The following RALGPS2 variants were observed in gnomAD, a reference collection of about 807,000 sequenced individuals.
The protein encoded by RALGPS2 is ras-specific guanine nucleotide-releasing factor RalGPS2.
RALGPS2 carries 43 observed loss-of-function variants against 86.8 expected under a neutral mutation model. The ratio of observed to expected loss-of-function variants is 0.50; its 90% CI spans 0.39 to 0.64. The LOEUF is 0.64. Ranked by LOEUF, RALGPS2 falls within the 30% of genes least tolerant of loss-of-function variation. RALGPS2 has a pLI of 0.00. For synonymous variants in RALGPS2, 243 were observed against 231.3 expected (o/e 1.05, Z -0.46); for missense variants, 536 against 694.6 (o/e 0.77, Z 2.57).
intron 1 of RALGPS2, among the ~76,000 whole-genome samples, chr1:178,742,513 G>A (rs183505175): frequency 6.6e-6 from 1 of 152,246 alleles, no homozygotes; most frequent in East Asian, 1.9e-4. Context: ...ATTTGTGTTG[G>A]ATACTTACTC....
At chr1:178,734,649 A>G (rs992839851) in intron 1 of RALGPS2, among the ~76,000 whole-genome samples, 4 of 152,224 alleles carry the variant, frequency 2.6e-5, no homozygotes, top group African/African-American at 4.8e-5. Context: ...AGAGGGATAT[A>G]CCAAGTATTT....
chr1:178,838,225 C>T (rs1656385528), intron 8 of RALGPS2, among the ~76,000 whole-genome samples: 1 of 152,210 alleles, frequency 6.6e-6, no homozygotes, highest in African/African-American at 2.4e-5. Flanking sequence ...CAGGCTGCCT[C>T]CTCAAGTGGG....
At chr1:178,846,343 C>A (rs1656863517) in intron 8 of RALGPS2, among the ~76,000 whole-genome samples, 1 of 152,032 alleles carries the variant, frequency 6.6e-6, no homozygotes, top group South Asian at 2.1e-4. Flanking sequence ...TTATGGATTA[C>A]CTTACCCTAT....
chr1:178,752,342 T>TGGGGG (rs200774028), intron 1 of RALGPS2, among the ~76,000 whole-genome samples: 12 of 143,420 alleles, frequency 8.4e-5, no homozygotes, highest in African/African-American at 3.5e-4. Flanking sequence ...TAGAGATTGG[T>TGGGGG]GGCGGGGGGG....
At chr1:178,825,610 A>G (rs1172658574) in intron 7 of RALGPS2, among the ~76,000 whole-genome samples, 1 of 152,176 alleles carries the variant, frequency 6.6e-6, no homozygotes, top group Non-Finnish European at 1.5e-5. Flanking sequence ...ATAGGGGGAA[A>G]ATGACTTGTA....
At chr1:178,866,273 T>A (rs549732092) in intron 8 of RALGPS2, among the ~76,000 whole-genome samples, 24 of 152,202 alleles carry the variant, frequency 1.6e-4, no homozygotes, top group Non-Finnish European at 2.5e-4. Flanking sequence ...TAGCCAATGT[T>A]TTAGATTCAT....
intron 1 of RALGPS2, among the ~76,000 whole-genome samples, chr1:178,757,578 T>C (rs1652018268): frequency 6.6e-6 from 1 of 152,252 alleles, no homozygotes; most frequent in Non-Finnish European, 1.5e-5. Flanking sequence ...ATTCTGTTTA[T>C]GTGGTGAATC....
intron 1 of RALGPS2, among the ~76,000 whole-genome samples, chr1:178,772,458 C>T (rs1652855312): frequency 6.6e-6 from 1 of 152,176 alleles, no homozygotes; most frequent in Admixed American, 6.5e-5. Context: ...CTTAGGAGAT[C>T]TCAGCTCTTG....
intron 1 of RALGPS2, chr1:178,746,733 G>A: frequency 1.3e-6 from 1 of 781,372 alleles, no homozygotes; most frequent in Non-Finnish European, 2.4e-6. Context: ...TTCTCATTTA[G>A]CCTCTATTTC....
chr1:178,872,850 G>C (rs1160417623), intron 8 of RALGPS2, among the ~76,000 whole-genome samples: 1 of 152,172 alleles, frequency 6.6e-6, no homozygotes. Flanking sequence ...AATTGAAAAT[G>C]AAAGTCAGGA....
intron 4 of RALGPS2, among the ~76,000 whole-genome samples, chr1:178,795,804 A>G (rs141127675): frequency 2.5e-4 from 38 of 152,322 alleles, no homozygotes; most frequent in Middle Eastern, 6.8e-3. Context: ...CTTCTAGTGT[A>G]TGTCAAGATA....
At chr1:178,816,589 T>A (rs1655242424) in intron 6 of RALGPS2, among the ~76,000 whole-genome samples, 2 of 152,178 alleles carry the variant, frequency 1.3e-5, no homozygotes, top group African/African-American at 4.8e-5. Context: ...AAGTCCCATT[T>A]GTTATTTTTA....
Position 178,859,405 on chromosome 1 carries a change from T to C in RALGPS2, c.608-18093T>C, listed in dbSNP as rs1308752765. Reference sequence around the variant, plus strand: ...ATGACTACTTTCCAAGTTTAACTTTTTTTTTTTTTTTTTTTTTGAGACGGA... The same window carrying C: ...ATGACTACTTTCCAAGTTTAACTTTCTTTTTTTTTTTTTTTTTGAGACGGA... On this transcript the variant is annotated intron_variant, in intron 8 of 19. Coordinates refer to ENST00000367635, the MANE Select transcript of RALGPS2 (RefSeq NM_152663.5). 1.2e-4 allele frequency among the ~76,000 whole-genome samples: 17 copies of C among 137,182 alleles called. 2 individuals carry two copies. The highest frequency in any genetic ancestry group is 1.4e-4 in the African/African-American group (5 of 35,274). The allele number at this position is 137,182 out of a possible 152,430, so 90.0% of individuals were successfully genotyped here. A position where few individuals can be genotyped will look rare whatever the true frequency, so the allele number is the denominator to read the frequency against.
chr1:178,899,639 TG>T (rs1660082811), intron 17 of RALGPS2, among the ~76,000 whole-genome samples: 1 of 146,328 alleles, frequency 6.8e-6, no homozygotes, highest in African/African-American at 2.7e-5. Flanking sequence ...GTTTTGGTTT[TG>T]GTTTTGGTTT....
intron 10 of RALGPS2, 28 bp downstream of exon 10, chr1:178,879,020 T>A: frequency 6.2e-7 from 1 of 1,608,764 alleles, no homozygotes; most frequent in South Asian, 1.1e-5. Context: ...AAGTGGTTTG[T>A]ATAACTTTGT....
chr1:178,823,429 A>G (rs1020643982), intron 7 of RALGPS2, among the ~76,000 whole-genome samples: 2 of 150,878 alleles, frequency 1.3e-5, no homozygotes, highest in Admixed American at 6.5e-5. Context: ...AATAAATGAC[A>G]TAAATAGCAA....
intron 8 of RALGPS2, chr1:178,865,388 A>G (rs1658331734): frequency 6.2e-7 from 1 of 1,613,970 alleles, no homozygotes; most frequent in African/African-American, 1.3e-5. Context: ...GAGTTGAGTA[A>G]CACGAGAGTT....
At chr1:178,899,951 C>T (rs1293034811) in intron 17 of RALGPS2, among the ~76,000 whole-genome samples, 1 of 151,830 alleles carries the variant, frequency 6.6e-6, no homozygotes, top group Non-Finnish European at 1.5e-5. Context: ...GTGGTTGTCT[C>T]TTCAATTTCT....
At chr1:178,856,970 A>G (rs1413362008) in intron 8 of RALGPS2, among the ~76,000 whole-genome samples, 1 of 152,014 alleles carries the variant, frequency 6.6e-6, no homozygotes, top group Non-Finnish European at 1.5e-5. Context: ...AACCAGTATA[A>G]CCTCTCTGTT....
Sources: allele counts gnomAD v4.1 joint callset (sites outside exome capture counted in the v4.1 genomes callset), GRCh38; gene constraint gnomAD v4.1.1; transcripts MANE v1.5; gene names NCBI Gene and HGNC (gene_info 2026-07-23, HGNC 2026-07-21).